CSMD1: variants seen among roughly 807,000 people sequenced by gnomAD.
CSMD1 encodes the protein CUB and Sushi multiple domains 1, also known as CUB and sushi domain-containing protein 1.
A neutral mutation model predicts 417.5 loss-of-function variants in CSMD1; 213 were observed. The ratio of observed to expected loss-of-function variants is 0.51; its 90% CI spans 0.46 to 0.57. The LOEUF (loss-of-function observed/expected upper bound fraction) is 0.57, where lower values mean the gene tolerates loss of function less well. CSMD1 is among the 20% of genes least tolerant of loss of function. The probability of loss-of-function intolerance (pLI) is 0.00; values close to 1 mark genes in which losing one functional copy is unlikely to be tolerated. For missense variants in CSMD1, 6,923 were observed against 4,529.7 expected (o/e 1.53, Z -15.17); for synonymous variants, 2,862 against 1,736.8 (o/e 1.65, Z -16.11).
chr8:4,331,842 A>T (rs1799885449), intron 3 of CSMD1, among the ~76,000 whole-genome samples: 1 of 152,164 alleles, frequency 6.6e-6, no homozygotes, highest in Non-Finnish European at 1.5e-5. Context: ...GTTTCCTCAT[A>T]GCACAATCCA....
intron 3 of CSMD1, among the ~76,000 whole-genome samples, chr8:4,275,951 A>T (rs1040677007): frequency 6.6e-6 from 1 of 152,210 alleles, no homozygotes; most frequent in Admixed American, 6.6e-5. Flanking sequence ...AACCATGAAT[A>T]GTTAAAAAGT....
At chr8:3,744,836 A>C (rs1338467566) in intron 6 of CSMD1, among the ~76,000 whole-genome samples, 1 of 152,228 alleles carries the variant, frequency 6.6e-6, no homozygotes, top group Non-Finnish European at 1.5e-5. Flanking sequence ...ATGGAACTGA[A>C]CATTAAGTCT....
At chr8:4,672,732 C>T (rs113070096) in intron 1 of CSMD1, among the ~76,000 whole-genome samples, 2,100 of 152,236 alleles carry the variant, frequency 0.014, 50 homozygotes, top group African/African-American at 0.047. Flanking sequence ...ACACAACACA[C>T]GCACTCTCAT....
intron 2 of CSMD1, among the ~76,000 whole-genome samples, chr8:4,561,412 G>C (rs1342135517): frequency 6.6e-6 from 1 of 152,180 alleles, no homozygotes; most frequent in Non-Finnish European, 1.5e-5. Flanking sequence ...GCCAGGCACA[G>C]TGGCTCATGC....
intron 3 of CSMD1, among the ~76,000 whole-genome samples, chr8:4,355,133 G>T (rs1341299711): frequency 6.6e-6 from 1 of 151,884 alleles, no homozygotes; most frequent in Non-Finnish European, 1.5e-5. Flanking sequence ...GTGGTGGCGG[G>T]CGCCTGCAGT....
At chr8:3,088,712 C>T (rs902928364) in intron 48 of CSMD1, among the ~76,000 whole-genome samples, 2 of 152,046 alleles carry the variant, frequency 1.3e-5, no homozygotes, top group South Asian at 2.1e-4. Flanking sequence ...ATTGGCCACA[C>T]CATGTTCTAC....
At chr8:4,466,124 A>T (rs1800151576) in intron 2 of CSMD1, among the ~76,000 whole-genome samples, 1 of 152,210 alleles carries the variant, frequency 6.6e-6, no homozygotes, top group African/African-American at 2.4e-5. Flanking sequence ...ATGGGAGGAT[A>T]GTTTTATAAA....
chr8:3,661,268 A>C (rs1201036775), intron 7 of CSMD1, among the ~76,000 whole-genome samples: 2 of 152,190 alleles, frequency 1.3e-5, no homozygotes, highest in Non-Finnish European at 2.9e-5. Context: ...CAGCAGCCAT[A>C]CTTCAACCAT....
intron 3 of CSMD1, among the ~76,000 whole-genome samples, chr8:4,233,078 T>C (rs1801839950): frequency 6.6e-6 from 1 of 152,252 alleles, no homozygotes; most frequent in Non-Finnish European, 1.5e-5. Context: ...CTCATTGTTC[T>C]GTGCACTGGC....
rs927394072 is a variant in CSMD1, at chr8:4,703,899, C to T, written c.86-66341G>A. Among the ~76,000 whole-genome samples, 12 of 152,270 alleles carry T rather than the reference C, an allele frequency of 7.9e-5. No homozygotes were observed. In the East Asian group the frequency reaches 2.3e-3, roughly 29 times the overall value. ...GTTGGGGGACGGTTTTGGGATGAAA[C>T]TGTTCCACCTCAGATCATCAGGCAT... On this transcript the variant is annotated intron_variant, in intron 1 of 69. Transcript: ENST00000635120.
intron 1 of CSMD1, among the ~76,000 whole-genome samples, chr8:4,676,078 C>G (rs936941498): frequency 6.6e-6 from 1 of 152,108 alleles, no homozygotes; most frequent in African/African-American, 2.4e-5. Flanking sequence ...GAAAGAGAAG[C>G]GATGATCCCC....
At chr8:4,745,800 T>G (rs1045419398) in intron 1 of CSMD1, among the ~76,000 whole-genome samples, 2 of 152,090 alleles carry the variant, frequency 1.3e-5, no homozygotes, top group African/African-American at 4.8e-5. Context: ...ACAAGTACAG[T>G]GAGATGCTAG....
intron 5 of CSMD1, among the ~76,000 whole-genome samples, chr8:3,943,728 T>A (rs1278466315): frequency 6.6e-6 from 1 of 151,970 alleles, no homozygotes; most frequent in Non-Finnish European, 1.5e-5. Context: ...GCCAAAAAAA[T>A]ATGAATCACC....
chr8:3,586,082 T>C, intron 9 of CSMD1, 54 bp downstream of exon 9: 2 of 1,567,630 alleles, frequency 1.3e-6, no homozygotes, highest in Non-Finnish European at 1.7e-6. Context: ...TTCATAAAAA[T>C]GCCAACCTTA....
chr8:4,994,337 G>T lies in CSMD1; in HGVS notation c.80C>A (p.Ala27Glu), dbSNP rs768499923. 30 of 1,610,176 alleles carry T rather than the reference G, an allele frequency of 1.9e-5. No individual in the cohort carries two copies. The East Asian group carries it at 5.4e-4, about 29-fold the overall frequency. The change falls in exon 1 of 70, where the codon GCG (alanine) becomes GAG (glutamate). Residue 27 changes from alanine (A) to glutamate (E), a missense_variant. By Grantham distance (107) the Ala-to-Glu change is moderately radical. Transcript: ENST00000635120. ...LVLCARLLTA[A>E]KGQNCGGLVQ... ...CAGGAGCAAGTCCGTCTTACCCTTC[G>T]CTGCAGTGAGGAGCCTCGCGCACAG... is the stretch of plus-strand genomic sequence containing the variant.
chr8:3,808,686 T>A (rs1337371265), intron 5 of CSMD1, among the ~76,000 whole-genome samples: 2 of 152,180 alleles, frequency 1.3e-5, no homozygotes, highest in Admixed American at 6.5e-5. Context: ...TTTCTGAGGT[T>A]TGGCACTCTA....
intron 3 of CSMD1, among the ~76,000 whole-genome samples, chr8:4,142,781 C>G (rs996093788): frequency 6.6e-6 from 1 of 151,092 alleles, no homozygotes; most frequent in East Asian, 1.9e-4. Flanking sequence ...GCAAAACAGG[C>G]TTCAACAAAG....
At position 4,341,372 on chromosome 8, in the gene CSMD1, G is replaced by A. The variant is rs147921687; in HGVS notation, c.415+78581C>T. Among the ~76,000 whole-genome samples, 354 of 152,146 alleles carry A rather than the reference G, an allele frequency of 2.3e-3. 9 individuals are homozygous for A. Among genetic ancestry groups the A allele is most frequent in the Admixed American group, 0.021 (327 of 15,252 alleles). ...TCTGAGATTCATATTCACTATCGCA[G>A]GAAATAATTTAGTACTGAAGAAAGC... On this transcript the variant is annotated intron_variant, in intron 3 of 69. Coordinates refer to ENST00000635120, the MANE Select transcript of CSMD1 (RefSeq NM_033225.6).
At chr8:3,786,987 G>C (rs950091623) in intron 5 of CSMD1, among the ~76,000 whole-genome samples, 1 of 152,098 alleles carries the variant, frequency 6.6e-6, no homozygotes, top group Admixed American at 6.5e-5. Flanking sequence ...ATTAGATGAG[G>C]GCATGGAAGC....
Sources: gnomAD v4.1 joint callset for allele counts (sites outside exome capture counted in the v4.1 genomes callset) on GRCh38, gnomAD v4.1.1 for gene constraint, MANE v1.5 for transcripts, NCBI Gene and HGNC (gene_info 2026-07-23, HGNC 2026-07-21) for gene names.